Variants in PRKAG2 observed in about 807,000 individuals in gnomAD.
PRKAG2 encodes the protein 5'-AMP-activated protein kinase subunit gamma-2.
In PRKAG2, 26 loss-of-function variants were observed where a neutral mutation model predicts 69.6. That is an observed-to-expected ratio of 0.37 (90% CI 0.27 to 0.52). The LOEUF (loss-of-function observed/expected upper bound fraction) is 0.52. Among genes scored for constraint, PRKAG2 ranks in the 20% least tolerant of loss-of-function variants. The pLI is 0.90. For missense variants in PRKAG2, 557 were observed against 740.0 expected, an observed-to-expected ratio of 0.75 and a Z score of 2.87; for synonymous variants, 293 against 285.0, an observed-to-expected ratio of 1.03 and a Z score of -0.28.
intron 6 of PRKAG2, among the ~76,000 whole-genome samples, chr7:151,593,062 T>C (rs1245566417): frequency 6.6e-6 from 1 of 152,254 alleles, no homozygotes; most frequent in Non-Finnish European, 1.5e-5. Context: ...ATCAGTCACC[T>C]TGGACATCCA....
intron 3 of PRKAG2, among the ~76,000 whole-genome samples, chr7:151,712,826 A>T (rs1023072322): frequency 2.0e-5 from 3 of 152,170 alleles, no homozygotes; most frequent in Admixed American, 2.0e-4. Flanking sequence ...CCTCGTGGAG[A>T]TTTACACAAA....
Position 151,572,656 on chromosome 7 carries a change from G to A in PRKAG2, c.1051+8C>T. The A allele has an allele frequency of 6.3e-7, 1 of 1,592,476 alleles. No individual in the cohort carries two copies. Among genetic ancestry groups the A allele is most frequent in the Non-Finnish European group, 8.6e-7 (1 of 1,162,572 alleles). On this transcript the variant is annotated splice_region_variant and intron_variant, in intron 9 of 15. Coordinates refer to ENST00000287878, the MANE Select transcript of PRKAG2 (RefSeq NM_016203.4). ...ACTAAAAGATTTTAAACATCCAATA[G>A]TGCTTACCCCTCCATGTTTCAATTT...
Position 151,777,088 on chromosome 7 carries a change from G to A in PRKAG2, c.466+4064C>T, listed in dbSNP as rs759162997. 6.8e-4 allele frequency among the ~76,000 whole-genome samples: 103 copies of A among 152,260 alleles called. No homozygotes were observed. The highest frequency in any genetic ancestry group is 1.0e-3 in the Non-Finnish European group (69 of 68,012). ...CTCTCTGACTCCACCTGCCTGTCTC[G>A]GCCCCTGGCTTTAAGGAAAGGGTGG... On this transcript the variant is annotated intron_variant, in intron 3 of 15. Coordinates refer to ENST00000287878, the MANE Select transcript of PRKAG2 (RefSeq NM_016203.4). The surrounding 1 kb of genome is among the most constrained non-coding windows in gnomAD (Gnocchi z 4.3).
At chr7:151,837,765 T>C (rs2079179435) in intron 1 of PRKAG2, among the ~76,000 whole-genome samples, 1 of 152,140 alleles carries the variant, frequency 6.6e-6, no homozygotes, top group Non-Finnish European at 1.5e-5. Context: ...CTGACTTCCC[T>C]TTACACCAGT....
At chr7:151,700,257 A>T (rs6947064) in intron 3 of PRKAG2, among the ~76,000 whole-genome samples, 4 of 151,976 alleles carry the variant, frequency 2.6e-5, no homozygotes, top group African/African-American at 9.7e-5. Context: ...TGCTGGGGAC[A>T]GTGAACACGA....
intron 3 of PRKAG2, among the ~76,000 whole-genome samples, chr7:151,700,439 C>T (rs940036990): frequency 6.6e-6 from 1 of 152,182 alleles, no homozygotes; most frequent in Non-Finnish European, 1.5e-5. Context: ...CCGACAGACA[C>T]GTCAGGGTGA....
chr7:151,834,498 G>T (rs1230769047), intron 1 of PRKAG2, among the ~76,000 whole-genome samples: 1 of 109,718 alleles, frequency 9.1e-6, no homozygotes, highest in Non-Finnish European at 2.1e-5. Context: ...TTTGATGTGG[G>T]TTTCTGTTTA....
At chr7:151,729,525 C>T (rs112177973) in intron 3 of PRKAG2, among the ~76,000 whole-genome samples, 7 of 152,122 alleles carry the variant, frequency 4.6e-5, no homozygotes, top group South Asian at 2.1e-4. Context: ...CAGCTCTGTC[C>T]GCACTCCACT....
chr7:151,661,271 C>T (rs1020042460), intron 4 of PRKAG2, among the ~76,000 whole-genome samples: 5 of 152,088 alleles, frequency 3.3e-5, no homozygotes, highest in Admixed American at 6.6e-5. Context: ...CTGCAACTTC[C>T]GCCTCAAGCA....
chr7:151,686,438 G>C (rs1834755749), intron 3 of PRKAG2, among the ~76,000 whole-genome samples: 1 of 152,110 alleles, frequency 6.6e-6, no homozygotes, highest in Non-Finnish European at 1.5e-5. Flanking sequence ...CCAGCCACCT[G>C]CTTGGACTCT....
At chr7:151,665,911 C>A (rs1475148703) in intron 4 of PRKAG2, among the ~76,000 whole-genome samples, 1 of 152,190 alleles carries the variant, frequency 6.6e-6, no homozygotes, top group Non-Finnish European at 1.5e-5. Context: ...TTTCACATAA[C>A]AACCTTGAAA....
intron 3 of PRKAG2, among the ~76,000 whole-genome samples, chr7:151,746,020 C>T (rs1368790574): frequency 2.0e-5 from 3 of 152,232 alleles, no homozygotes; most frequent in Non-Finnish European, 4.4e-5. Flanking sequence ...CTTCTGAAAA[C>T]CAGATTCTGA....
chr7:151,732,695 GA>G (rs2151686243), intron 3 of PRKAG2, among the ~76,000 whole-genome samples: 1 of 152,166 alleles, frequency 6.6e-6, no homozygotes, highest in African/African-American at 2.4e-5. Flanking sequence ...AAGGCACCCA[GA>G]GTGGTTTTTC....
chr7:151,612,978 G>A (rs1819225421), intron 5 of PRKAG2, among the ~76,000 whole-genome samples: 1 of 152,144 alleles, frequency 6.6e-6, no homozygotes, highest in African/African-American at 2.4e-5. Flanking sequence ...CTCCTCTGGG[G>A]GCTCCTCACT....
chr7:151,558,286 C>A (rs916231107), intron 15 of PRKAG2: 2 of 985,342 alleles, frequency 2.0e-6, no homozygotes, highest in South Asian at 9.4e-5. Context: ...ACCTTCTAAT[C>A]GAGTAACAGC....
chr7:151,797,142 G>C lies in PRKAG2; in HGVS notation c.115-10601C>G, dbSNP rs549802138. Among the ~76,000 whole-genome samples the C allele has an allele frequency of 5.9e-5, 9 of 152,172 alleles. 1 individual carries two copies. The South Asian group carries it at 1.9e-3, about 32-fold the overall frequency. Reference sequence around the variant, plus strand: ...AAAAAACCAGCCACGAGGTGAAAGTGAGATGGCCCCGGCCTGACCTCTGCT... The same window carrying C: ...AAAAAACCAGCCACGAGGTGAAAGTCAGATGGCCCCGGCCTGACCTCTGCT... On this transcript the variant is annotated intron_variant, in intron 1 of 15. Coordinates refer to ENST00000287878, the MANE Select transcript of PRKAG2 (RefSeq NM_016203.4).
intron 3 of PRKAG2, among the ~76,000 whole-genome samples, chr7:151,757,901 A>G (rs990296465): frequency 2.0e-5 from 3 of 152,228 alleles, no homozygotes; most frequent in Admixed American, 2.0e-4. Context: ...TATGTGCTGG[A>G]TTATGCCATC....
At chr7:151,734,526 A>G (rs1408084148) in intron 3 of PRKAG2, among the ~76,000 whole-genome samples, 3 of 152,142 alleles carry the variant, frequency 2.0e-5, no homozygotes, top group Non-Finnish European at 4.4e-5. Flanking sequence ...TATGCCATGC[A>G]AGCAGTAACG....
At chr7:151,594,901 C>T (rs1246747238) in intron 6 of PRKAG2, among the ~76,000 whole-genome samples, 1 of 152,056 alleles carries the variant, frequency 6.6e-6, no homozygotes, top group Non-Finnish European at 1.5e-5. Flanking sequence ...TGGGTTCAAG[C>T]GACTCTCCTG....
Sources: gnomAD v4.1 joint callset for allele counts (sites outside exome capture counted in the v4.1 genomes callset) on GRCh38, gnomAD v4.1.1 for gene constraint, Gnocchi (gnomAD v3.1) non-coding constraint, MANE v1.5 for transcripts, NCBI Gene and HGNC (gene_info 2026-07-23, HGNC 2026-07-21) for gene names.